Variants in NUDT7 observed in about 807,000 individuals in gnomAD.
NUDT7 encodes nudix hydrolase 7, also known as peroxisomal coenzyme A diphosphatase NUDT7.
In NUDT7, 19 loss-of-function variants were observed where a neutral mutation model predicts 13.1. The ratio of observed to expected loss-of-function variants is 1.45; its 90% CI spans 1.01 to 2.13. The LOEUF (loss-of-function observed/expected upper bound fraction) is 2.13. Among genes scored for constraint, NUDT7 ranks in the 30% most tolerant of loss-of-function variants. The pLI, the probability that NUDT7 is intolerant of heterozygous loss-of-function variation, is 0.00. For missense variants in NUDT7, 360 were observed against 291.7 expected (o/e 1.23, Z -1.71); for synonymous variants, 132 against 109.7 (o/e 1.20, Z -1.27).
intron 1 of NUDT7, among the ~76,000 whole-genome samples, chr16:77,723,451 G>A (rs541031565): frequency 6.6e-6 from 1 of 152,250 alleles, no homozygotes; most frequent in East Asian, 1.9e-4. Context: ...TAATGATGGG[G>A]AGATTTATGA....
intron 1 of NUDT7, among the ~76,000 whole-genome samples, chr16:77,724,940 A>G (rs955477267): frequency 1.1e-4 from 16 of 152,202 alleles, no homozygotes; most frequent in Non-Finnish European, 2.9e-5. Flanking sequence ...ACAGTCTGGG[A>G]CTGAACCTCG....
chr16:77,727,874 T>TAAA (rs10699413), intron 2 of NUDT7, among the ~76,000 whole-genome samples: 2 of 151,074 alleles, frequency 1.3e-5, no homozygotes, highest in African/African-American at 2.4e-5. Flanking sequence ...AATAAATAAA[T>TAAA]AAAAATAAAT....
At chr16:77,725,747 C>T in intron 2 of NUDT7, 163 bp downstream of exon 2, 1 of 613,700 alleles carries the variant, frequency 1.6e-6, no homozygotes, top group Non-Finnish European at 2.8e-6. Flanking sequence ...CATGGTGTTT[C>T]TTGGAGAAGG....
chr16:77,739,826 G>A (rs1453959532), intron 3 of NUDT7, among the ~76,000 whole-genome samples: 3 of 152,162 alleles, frequency 2.0e-5, no homozygotes, highest in African/African-American at 7.2e-5. Flanking sequence ...CCTCTGGCAA[G>A]GTAGTCCTTA....
chr16:77,741,966 G>A lies in NUDT7; in HGVS notation c.*16G>A. On this transcript the variant is annotated 3_prime_UTR_variant, in exon 4 of 4. Coordinates refer to ENST00000268533, the MANE Select transcript of NUDT7 (RefSeq NM_001105663.3). Reference sequence around the variant, plus strand: ...CAGGTTATGATTTACTAGAGCAAGAGACAAAGAACTATTCACGAGGATTCT... The same window carrying A: ...CAGGTTATGATTTACTAGAGCAAGAAACAAAGAACTATTCACGAGGATTCT... The A allele has an allele frequency of 1.3e-6, 2 of 1,559,968 alleles. No homozygotes were observed. Among genetic ancestry groups the A allele is most frequent in the Non-Finnish European group, 1.7e-6 (2 of 1,157,034 alleles).
chr16:77,736,299 C>G (rs979888106), intron 3 of NUDT7: 1 of 235,448 alleles, frequency 4.2e-6, no homozygotes. Context: ...TTATTTTTCT[C>G]CAGTATACAT....
intron 1 of NUDT7, among the ~76,000 whole-genome samples, chr16:77,723,642 C>T (rs909810812): frequency 1.4e-5 from 2 of 141,626 alleles, no homozygotes; most frequent in African/African-American, 5.4e-5. Flanking sequence ...GCCCTGGCTA[C>T]AGTGCAGTAG....
chr16:77,729,872 T>G (rs1357819473), intron 2 of NUDT7, among the ~76,000 whole-genome samples: 1 of 152,144 alleles, frequency 6.6e-6, no homozygotes, highest in African/African-American at 2.4e-5. Flanking sequence ...TAAAATTGTA[T>G]AGATTTATCC....
In NUDT7 at chr16:77,742,068, GTAGT is replaced by G. The variant is rs1162475038; in HGVS notation, c.*122_*125del. On this transcript the variant is annotated 3_prime_UTR_variant, in exon 4 of 4. Coordinates refer to ENST00000268533, the MANE Select transcript of NUDT7 (RefSeq NM_001105663.3). ...GGTGTGAATATTTTTTCTGCAGTAT[GTAGT>G]TAGAATCCTTGCCTCTTTTCCAGTT... 6.8e-7 allele frequency: 1 copy of G among 1,468,362 alleles called. No individual in the cohort carries two copies. The highest frequency in any genetic ancestry group is 8.9e-7 in the Non-Finnish European group (1 of 1,118,830). The allele number at this position is 1,468,362 out of a possible 1,614,324, so 91.0% of individuals were successfully genotyped here.
chr16:77,740,442 C>G (rs1472836004), intron 3 of NUDT7, among the ~76,000 whole-genome samples: 1 of 152,178 alleles, frequency 6.6e-6, no homozygotes, highest in African/African-American at 2.4e-5. Context: ...TACCAGTTCC[C>G]ACATCCTCAC....
intron 2 of NUDT7, among the ~76,000 whole-genome samples, chr16:77,731,016 C>G (rs1230236636): frequency 6.6e-6 from 1 of 151,924 alleles, no homozygotes; most frequent in South Asian, 2.1e-4. Flanking sequence ...AATATTTTCT[C>G]CCATTCCACA....
chr16:77,722,751 G>A (rs2013999203), intron 1 of NUDT7, 134 bp downstream of exon 1: 1 of 800,752 alleles, frequency 1.2e-6, no homozygotes, highest in Non-Finnish European at 2.1e-6. Flanking sequence ...CCGGATGGGG[G>A]AGCACTCGCC....
intron 2 of NUDT7, 68 bp downstream of exon 2, chr16:77,725,652 C>CT (rs1457403405): frequency 1.4e-6 from 2 of 1,453,506 alleles, no homozygotes; most frequent in Non-Finnish European, 1.9e-6. Flanking sequence ...GATTTTGTCA[C>CT]TTGCACACAC....
intron 2 of NUDT7, among the ~76,000 whole-genome samples, chr16:77,727,633 T>C (rs901861391): frequency 3.3e-5 from 5 of 152,174 alleles, no homozygotes; most frequent in Non-Finnish European, 5.9e-5. Flanking sequence ...GGTGGGCGGA[T>C]CACCTGAGGT....
chr16:77,735,806 G>A, intron 2 of NUDT7, 22 bp from the exon 3 acceptor site: 1 of 1,607,296 alleles, frequency 6.2e-7, no homozygotes, highest in Non-Finnish European at 8.5e-7. Context: ...CCACATTGTA[G>A]CGCTGTTCTT....
At chr16:77,726,845 T>C (rs2014152618) in intron 2 of NUDT7, among the ~76,000 whole-genome samples, 1 of 152,074 alleles carries the variant, frequency 6.6e-6, no homozygotes, top group Non-Finnish European at 1.5e-5. Flanking sequence ...GGGTAATTTA[T>C]AAAGAAAAGA....
intron 2 of NUDT7, among the ~76,000 whole-genome samples, chr16:77,733,620 G>A (rs1040842852): frequency 6.6e-6 from 1 of 152,220 alleles, no homozygotes; most frequent in Non-Finnish European, 1.5e-5. Flanking sequence ...TCTTGATTGA[G>A]CTTCTCAATG....
Position 77,735,814 on chromosome 16 carries a change from C to A in NUDT7, c.190-14C>A. 6.2e-7 allele frequency: 1 copy of A among 1,609,398 alleles called. No homozygotes were observed. Among genetic ancestry groups the A allele is most frequent in the Non-Finnish European group, 8.5e-7 (1 of 1,176,500 alleles). On this transcript the variant is annotated splice_polypyrimidine_tract_variant and intron_variant, in intron 2 of 3. Coordinates refer to ENST00000268533, the MANE Select transcript of NUDT7 (RefSeq NM_001105663.3). ...TAGAATCCCACATTGTAGCGCTGTT[C>A]TTTCTATATCCAGCTAAGAAGGGCC...
chr16:77,740,493 A>T (rs2014624655), intron 3 of NUDT7, among the ~76,000 whole-genome samples: 1 of 152,020 alleles, frequency 6.6e-6, no homozygotes, highest in Non-Finnish European at 1.5e-5. Context: ...AGTATAACAA[A>T]ACAGTCTTTC....
Sources: allele counts gnomAD v4.1 joint callset (sites outside exome capture counted in the v4.1 genomes callset), GRCh38; gene constraint gnomAD v4.1.1; transcripts MANE v1.5; gene names NCBI Gene and HGNC (gene_info 2026-07-23, HGNC 2026-07-21).